ADK: variants seen among roughly 807,000 people sequenced by gnomAD.
ADK encodes the protein N6,N6-dimethyladenosine kinase.
ADK carries 24 observed loss-of-function variants against 44.7 expected under a neutral mutation model. The observed-to-expected ratio is 0.54, with a 90% CI of 0.39 to 0.76. ADK has a LOEUF of 0.76. ADK is among the 30% of genes least tolerant of loss of function. The probability of loss-of-function intolerance (pLI) is 0.00; values close to 1 mark genes in which losing one functional copy is unlikely to be tolerated. For synonymous variants in ADK, 128 were observed against 142.6 expected, an observed-to-expected ratio of 0.90 and a Z score of 0.73; for missense variants, 321 against 425.1, an observed-to-expected ratio of 0.76 and a Z score of 2.15.
At chr10:74,689,265 TAAATAAATAATA>T (rs1455061553) in intron 10 of ADK, among the ~76,000 whole-genome samples, 1 of 151,286 alleles carries the variant, frequency 6.6e-6, no homozygotes, top group South Asian at 2.1e-4. Flanking sequence ...AATAAATAAA[TAAATAAATAATA>T]AAATAAATAA....
At chr10:74,168,785 G>A (rs563966492) in intron 1 of ADK, among the ~76,000 whole-genome samples, 7 of 151,702 alleles carry the variant, frequency 4.6e-5, no homozygotes, top group African/African-American at 1.7e-4. Flanking sequence ...GCTAATTTGT[G>A]TATTTTTAGT....
intron 3 of ADK, among the ~76,000 whole-genome samples, chr10:74,246,974 A>C (rs1300089808): frequency 6.6e-6 from 1 of 151,852 alleles, no homozygotes; most frequent in African/African-American, 2.4e-5. Flanking sequence ...TTATATTTTA[A>C]CTTCTAATAT....
chr10:74,309,607 G>C (rs1411831497), intron 3 of ADK, among the ~76,000 whole-genome samples: 1 of 152,108 alleles, frequency 6.6e-6, no homozygotes, highest in African/African-American at 2.4e-5. Flanking sequence ...TGCTTTGTCT[G>C]TACATTTGGA....
chr10:74,227,765 A>G (rs2132254543), intron 3 of ADK, among the ~76,000 whole-genome samples: 1 of 152,260 alleles, frequency 6.6e-6, no homozygotes, highest in East Asian at 1.9e-4. Context: ...AATTGCTTGA[A>G]TCTGGGAGGA....
At chr10:74,678,309 A>G (rs1855480969) in intron 10 of ADK, among the ~76,000 whole-genome samples, 2 of 152,224 alleles carry the variant, frequency 1.3e-5, no homozygotes. Context: ...AAGCTAGACC[A>G]GCACCAAATT....
At chr10:74,247,070 A>T (rs1845441548) in intron 3 of ADK, among the ~76,000 whole-genome samples, 1 of 152,080 alleles carries the variant, frequency 6.6e-6, no homozygotes, top group Non-Finnish European at 1.5e-5. Flanking sequence ...AAAGTGTCTG[A>T]GAACTTATGA....
intron 6 of ADK, among the ~76,000 whole-genome samples, chr10:74,491,812 C>T (rs1371664878): frequency 2.0e-5 from 3 of 151,958 alleles, no homozygotes; most frequent in Admixed American, 2.0e-4. Context: ...TGCTTTCCCC[C>T]CCGATAGAAA....
intron 6 of ADK, among the ~76,000 whole-genome samples, chr10:74,472,957 T>G (rs988226656): frequency 1.3e-5 from 2 of 152,072 alleles, no homozygotes; most frequent in Non-Finnish European, 2.9e-5. Context: ...TCATCAATAG[T>G]TTTTTGTTTG....
chr10:74,383,412 C>CTGTCTCTGTCTCTG (rs1171778180), intron 4 of ADK, among the ~76,000 whole-genome samples: 20 of 150,420 alleles, frequency 1.3e-4, no homozygotes, highest in Admixed American at 6.7e-5. Flanking sequence ...GTCTCTGTCT[C>CTGTCTCTGTCTCTG]TCTCTCTCTC....
intron 4 of ADK, among the ~76,000 whole-genome samples, chr10:74,338,984 G>A (rs998156711): frequency 6.6e-6 from 1 of 152,112 alleles, no homozygotes; most frequent in African/African-American, 2.4e-5. Flanking sequence ...ACAGTGTCTT[G>A]TTCCATTTCC....
chr10:74,366,555 A>G lies in ADK; in HGVS notation c.274-27586A>G, dbSNP rs16931393. ...TTCAAATAAAATTTTCGTTGAGACT[A>G]AAGAGATCCTGGATTACAATCAACA... On this transcript the variant is annotated intron_variant, in intron 4 of 10. Coordinates refer to ENST00000539909, the MANE Select transcript of ADK (RefSeq NM_006721.4). Among the ~76,000 whole-genome samples the G allele has an allele frequency of 4.9e-3, 751 of 152,342 alleles. 5 individuals are homozygous for G. Among genetic ancestry groups the G allele is most frequent in the African/African-American group, 0.017 (703 of 41,588 alleles).
At chr10:74,281,280 T>C (rs1014315312) in intron 3 of ADK, among the ~76,000 whole-genome samples, 3 of 152,272 alleles carry the variant, frequency 2.0e-5, no homozygotes, top group Non-Finnish European at 1.5e-5. Context: ...GTTCTTCTTA[T>C]GCTCATGGGC....
At chr10:74,285,956 A>G (rs111882310) in intron 3 of ADK, among the ~76,000 whole-genome samples, 1 of 152,144 alleles carries the variant, frequency 6.6e-6, no homozygotes, top group Non-Finnish European at 1.5e-5. Context: ...ATATACCCTT[A>G]AATATTCTTA....
intron 1 of ADK, among the ~76,000 whole-genome samples, chr10:74,158,442 T>A (rs890347961): frequency 4.6e-5 from 7 of 152,230 alleles, no homozygotes; most frequent in African/African-American, 1.2e-4. Flanking sequence ...GGAAGTTTTT[T>A]AAAAAGTTTG....
intron 3 of ADK, among the ~76,000 whole-genome samples, chr10:74,284,521 C>T (rs748523079): frequency 3.9e-4 from 59 of 152,208 alleles, no homozygotes; most frequent in Admixed American, 1.1e-3. Context: ...GCTTCGGCCT[C>T]GCCAAGTGCT....
At chr10:74,555,769 T>C (rs1256256221) in intron 7 of ADK, among the ~76,000 whole-genome samples, 3 of 152,220 alleles carry the variant, frequency 2.0e-5, no homozygotes, top group Non-Finnish European at 2.9e-5. Flanking sequence ...TCAGTTGCTC[T>C]GGACAGAAAG....
At chr10:74,423,706 G>A in intron 6 of ADK, 1 of 443,112 alleles carries the variant, frequency 2.3e-6, no homozygotes, top group Non-Finnish European at 4.5e-6. Flanking sequence ...GTTGGGGCTG[G>A]CCTGCCTCTC....
At chr10:74,451,842 G>C (rs1471796893) in intron 6 of ADK, among the ~76,000 whole-genome samples, 1 of 152,024 alleles carries the variant, frequency 6.6e-6, no homozygotes, top group Admixed American at 6.6e-5. Flanking sequence ...TGTATTTTTT[G>C]ATAGAATAGT....
intron 6 of ADK, among the ~76,000 whole-genome samples, chr10:74,468,334 A>G (rs1358112387): frequency 6.6e-6 from 1 of 152,172 alleles, no homozygotes; most frequent in African/African-American, 2.4e-5. Flanking sequence ...CTTGACTTTT[A>G]TAGTTTTAAT....
Sources: gnomAD v4.1 joint callset for allele counts (sites outside exome capture counted in the v4.1 genomes callset) on GRCh38, gnomAD v4.1.1 for gene constraint, MANE v1.5 for transcripts, NCBI Gene and HGNC (gene_info 2026-07-23, HGNC 2026-07-21) for gene names.